The following DARS2 variants were observed in gnomAD, a reference collection of about 807,000 sequenced individuals.
DARS2 encodes aspartate--tRNA ligase, mitochondrial.
DARS2 carries 63 observed loss-of-function variants against 83.0 expected under a neutral mutation model. The ratio of observed to expected loss-of-function variants is 0.76; its 90% CI spans 0.62 to 0.94. The LOEUF is 0.94. Ranked by LOEUF, DARS2 falls within the 40% of genes least tolerant of loss-of-function variation. The pLI, the probability that DARS2 is intolerant of heterozygous loss-of-function variation, is 0.00. For synonymous variants in DARS2, 250 were observed against 269.3 expected, an observed-to-expected ratio of 0.93 and a Z score of 0.70; for missense variants, 675 against 774.4, an observed-to-expected ratio of 0.87 and a Z score of 1.52.
At chr1:173,825,484 T>TTATTATTATTATTATTA in intron 1 of DARS2, 128 bp downstream of exon 1, 2 of 537,622 alleles carry the variant, frequency 3.7e-6, no homozygotes, top group Non-Finnish European at 5.2e-6. Flanking sequence ...ATTATTATTA[T>TTATTATTATTATTATTA]TTGAGACGGA....
Position 173,850,485 on chromosome 1 carries a change from A to G in DARS2, c.1344+6A>G. On this transcript the variant is annotated splice_donor_region_variant and intron_variant, in intron 13 of 16. Coordinates refer to ENST00000649689, the MANE Select transcript of DARS2 (RefSeq NM_018122.5). ...CTGGAGAGCACAATAAAGCAGTAAG[A>G]AAAATTACTTCCAAGCATCAGTGCT... 6.2e-7 allele frequency: 1 copy of G among 1,613,562 alleles called. No individual in the cohort carries two copies. The highest frequency in any genetic ancestry group is 8.5e-7 in the Non-Finnish European group (1 of 1,179,694).
rs763171850 is a variant in DARS2, at chr1:173,850,440, A to T, written c.1305A>T (p.Glu435Asp). The change falls in exon 13 of 17, where the codon GAA becomes GAT. Residue 435 changes from glutamate (E) to aspartate (D), a missense_variant. By Grantham distance (45) the Glu-to-Asp change is conservative. Coordinates refer to ENST00000649689, the MANE Select transcript of DARS2 (RefSeq NM_018122.5). Reference sequence around the variant, plus strand: ...TCAGACTAATGGAGACCCAAGAGGAAGATGTGGTCCTACTAACTGCTGGAG... The same window carrying T: ...TCAGACTAATGGAGACCCAAGAGGATGATGTGGTCCTACTAACTGCTGGAG... ...ELIRLMETQEEDVVLLTAGEH... is the reference protein window; with the variant it reads ...ELIRLMETQEDDVVLLTAGEH... 1 of 1,613,906 alleles carries T rather than the reference A, an allele frequency of 6.2e-7. No homozygotes were observed. Among genetic ancestry groups the T allele is most frequent in the Admixed American group, 1.7e-5 (1 of 60,002 alleles).
At chr1:173,833,585 A>C (rs1652873515) in intron 6 of DARS2, 86 bp downstream of exon 6, 1 of 1,550,174 alleles carries the variant, frequency 6.5e-7, no homozygotes, top group East Asian at 2.2e-5. Flanking sequence ...TTTCCTTAGC[A>C]TGAGGTCAAG....
At chr1:173,841,369 CTG>C (rs951158678) in intron 11 of DARS2, among the ~76,000 whole-genome samples, 54 of 149,924 alleles carry the variant, frequency 3.6e-4, no homozygotes, top group Admixed American at 6.6e-4. Flanking sequence ...AAGAGCAAAA[CTG>C]TGTTTGAAAA....
intron 12 of DARS2, among the ~76,000 whole-genome samples, chr1:173,845,627 G>A (rs1030423207): frequency 1.3e-5 from 2 of 152,098 alleles, no homozygotes; most frequent in Non-Finnish European, 2.9e-5. Context: ...TACTTAGGAG[G>A]CTGAGGTGGG....
intron 7 of DARS2, 42 bp from the exon 8 acceptor site, chr1:173,836,898 T>C (rs750875547): frequency 1.4e-5 from 22 of 1,574,616 alleles, no homozygotes; most frequent in Non-Finnish European, 1.7e-5. Context: ...TGTTTTTGTT[T>C]TTTAATAATC....
At chr1:173,835,263 T>A (rs1162548765) in intron 7 of DARS2, among the ~76,000 whole-genome samples, 7 of 151,642 alleles carry the variant, frequency 4.6e-5, no homozygotes. Flanking sequence ...CTAATTTTTG[T>A]ATTTTTTTAG....
Position 173,836,968 on chromosome 1 carries a change from G to C in DARS2, c.692G>C (p.Arg231Thr), listed in dbSNP as rs1653028402. The C allele has an allele frequency of 6.2e-7, 1 of 1,613,926 alleles. No individual in the cohort carries two copies. The highest frequency in any genetic ancestry group is 8.5e-7 in the Non-Finnish European group (1 of 1,179,938). Residue 231 changes from arginine (R) to threonine (T), a missense_variant, in exon 8 of 17, where the codon AGG (arginine) becomes ACG (threonine). Coordinates refer to ENST00000649689, the MANE Select transcript of DARS2 (RefSeq NM_018122.5). Reference sequence around the variant, plus strand: ...GCCAAAGAGTTTTTAGTACCATCCAGGGAACCTGGAAAGTTTTATTCTCTC... The same window carrying C: ...GCCAAAGAGTTTTTAGTACCATCCACGGAACCTGGAAAGTTTTATTCTCTC... ...GGAKEFLVPS[R>T]EPGKFYSLPQ...
chr1:173,842,161 C>A (rs920614965), intron 11 of DARS2, among the ~76,000 whole-genome samples: 5 of 151,954 alleles, frequency 3.3e-5, no homozygotes. Context: ...AAAATAATTT[C>A]ATAAGAAGTA....
intron 13 of DARS2, 130 bp from the exon 14 acceptor site, chr1:173,853,219 C>A: frequency 3.4e-6 from 3 of 873,786 alleles, no homozygotes; most frequent in Non-Finnish European, 5.8e-6. Flanking sequence ...TCCTGAGAAG[C>A]AAAGGGCATC....
In DARS2 at chr1:173,845,086, C is replaced by T. The variant is rs12084213; in HGVS notation, c.1129-143C>T. On this transcript the variant is annotated intron_variant, in intron 11 of 16. Transcript: ENST00000649689. ...CTGGGATTACAGGCATGAGCCACCG[C>T]GCCCAGCCCAGACATTGAATTTTTA... The T allele has an allele frequency of 0.021, 13,073 of 621,934 alleles. 1,114 individuals carry two copies. Among genetic ancestry groups the T allele is most frequent in the African/African-American group, 0.2 (10,667 of 54,088 alleles). 38.5% of individuals were successfully genotyped at this position (621,934 alleles called of 1,614,324 possible). A position where few individuals can be genotyped will look rare whatever the true frequency, so the allele number is the denominator to read the frequency against.
Position 173,853,850 on chromosome 1 carries a change from C to T in DARS2, c.1619C>T (p.Ser540Leu), listed in dbSNP as rs1163065426. 1.9e-6 allele frequency: 3 copies of T among 1,614,044 alleles called. No homozygotes were observed. In the African/African-American group the frequency reaches 4.0e-5, roughly 22 times the overall value. ...VLNGNEIGGG[S>L]IRIHNAELQR... ...AATGGCAATGAAATAGGAGGTGGTT[C>T]AATTCGAATTCACAATGCAGAGCTG... Residue 540 changes from serine (S) to leucine (L), a missense_variant, in exon 15 of 17, where the codon TCA becomes TTA. By Grantham distance (145) the Ser-to-Leu change is moderately radical (BLOSUM62 -2). Coordinates refer to ENST00000649689, the MANE Select transcript of DARS2 (RefSeq NM_018122.5).
chr1:173,834,876 C>A (rs1394466978), intron 7 of DARS2, among the ~76,000 whole-genome samples: 1 of 142,764 alleles, frequency 7.0e-6, no homozygotes, highest in Non-Finnish European at 1.5e-5. Flanking sequence ...CCTACTGGAT[C>A]CAAGCGATTC....
intron 15 of DARS2, among the ~76,000 whole-genome samples, chr1:173,855,679 T>C (rs535776272): frequency 6.2e-4 from 94 of 151,694 alleles, no homozygotes; most frequent in African/African-American, 2.1e-3. Flanking sequence ...TTTTTTCTTT[T>C]TCTCGCTTTG....
At chr1:173,849,931 C>T (rs1232324940) in intron 12 of DARS2, among the ~76,000 whole-genome samples, 1 of 144,628 alleles carries the variant, frequency 6.9e-6, no homozygotes, top group Non-Finnish European at 1.5e-5. Context: ...AGTCTCAGCT[C>T]ACTGCATCCT....
rs767221262 is a variant in DARS2 at position 173,828,299 on chromosome 1, TA to T, written c.228-30del. ...AACTTTGGACTTAGAGATTTTATCT[TA>T]AAATGTTTCTTTTCCCCCCCCCCAT... On this transcript the variant is annotated intron_variant, in intron 2 of 16. Coordinates refer to ENST00000649689, the MANE Select transcript of DARS2 (RefSeq NM_018122.5). The T allele has an allele frequency of 4.4e-6, 7 of 1,601,780 alleles. No homozygotes were observed. In the Admixed American group the frequency reaches 8.3e-5, roughly 19 times the overall value.
rs573357291 is a variant in DARS2, at chr1:173,828,874, T to C, written c.294+475T>C. ...TTCACTTCTGGTAAATTATCTTATA[T>C]CTAGACTTATACAGATATAAAATGA... On this transcript the variant is annotated intron_variant, in intron 3 of 16. Transcript: ENST00000649689. 3.9e-4 allele frequency among the ~76,000 whole-genome samples: 60 copies of C among 152,300 alleles called. 1 individual carries two copies. In the South Asian group the frequency reaches 8.1e-3, roughly 20 times the overall value.
At chr1:173,847,133 G>C (rs928180138) in intron 12 of DARS2, among the ~76,000 whole-genome samples, 2 of 152,090 alleles carry the variant, frequency 1.3e-5, no homozygotes, top group African/African-American at 4.8e-5. Context: ...CAGGTTAGTG[G>C]TTCCCAAAAT....
intron 13 of DARS2, 53 bp from the exon 14 acceptor site, chr1:173,853,296 T>G: frequency 6.4e-7 from 1 of 1,571,926 alleles, no homozygotes; most frequent in Admixed American, 1.7e-5. Flanking sequence ...CTGTGTCATT[T>G]CCTGCCTGCT....
Sources: gnomAD v4.1 joint callset for allele counts (sites outside exome capture counted in the v4.1 genomes callset) on GRCh38, gnomAD v4.1.1 for gene constraint, MANE v1.5 for transcripts, NCBI Gene and HGNC (gene_info 2026-07-23, HGNC 2026-07-21) for gene names.